Variants in CCDC186 observed in about 807,000 individuals in gnomAD.
CCDC186 encodes coiled-coil domain containing 186, also known as coiled-coil domain-containing protein 186.
CCDC186 carries 49 observed loss-of-function variants against 113.7 expected under a neutral mutation model. The ratio of observed to expected loss-of-function variants is 0.43; its 90% CI spans 0.34 to 0.55. CCDC186 has a LOEUF of 0.55. Among genes scored for constraint, CCDC186 ranks in the 20% least tolerant of loss-of-function variants. The pLI is 0.02. For missense variants in CCDC186, 890 were observed against 1,011.1 expected, an observed-to-expected ratio of 0.88 and a Z score of 1.62; for synonymous variants, 355 against 345.8, an observed-to-expected ratio of 1.03 and a Z score of -0.30.
chr10:114,159,281 G>C (rs569176630), intron 2 of CCDC186, among the ~76,000 whole-genome samples: 15 of 152,318 alleles, frequency 9.8e-5, no homozygotes, highest in African/African-American at 3.1e-4. Flanking sequence ...TAGTTCACAA[G>C]TGAACAACAA....
chr10:114,173,404 C>G (rs1179621851), intron 1 of CCDC186: 1 of 321,636 alleles, frequency 3.1e-6, no homozygotes, highest in Non-Finnish European at 6.3e-6. Context: ...TGCCATTTTT[C>G]ATTACTGATG....
chr10:114,138,656 T>A (rs965724961), intron 6 of CCDC186, among the ~76,000 whole-genome samples: 40 of 152,026 alleles, frequency 2.6e-4, no homozygotes, highest in Admixed American at 1.0e-3. Context: ...TCCAATTACT[T>A]CTTCTTCTTC....
chr10:114,168,468 G>A (rs1171650272), intron 1 of CCDC186, among the ~76,000 whole-genome samples: 3 of 152,054 alleles, frequency 2.0e-5, no homozygotes, highest in Non-Finnish European at 1.5e-5. Context: ...TGCAAATATT[G>A]CCCCTATATA....
rs1440877762 is a variant in CCDC186, at chr10:114,131,238, A to G, written c.2010T>C (p.Ser670=). Reference sequence around the variant, plus strand: ...CATCTTTTAATTCTTCTACCTGGGTACTCAATGCTTTAACTTCTGTTTGTC... The same window carrying G: ...CATCTTTTAATTCTTCTACCTGGGTGCTCAATGCTTTAACTTCTGTTTGTC... ...ACRQTEVKAL[S]TQVEELKDEL... The change falls in exon 12 of 16, where the codon AGT becomes AGC. Residue 670 remains serine (S), a synonymous_variant. Coordinates refer to ENST00000369287, the MANE Select transcript of CCDC186 (RefSeq NM_018017.4). 2 of 1,602,942 alleles carry G rather than the reference A, an allele frequency of 1.2e-6. No individual in the cohort carries two copies. The highest frequency in any genetic ancestry group is 4.5e-5 in the East Asian group (2 of 44,030).
intron 4 of CCDC186, 23 bp downstream of exon 4, chr10:114,151,069 A>G (rs1174352262): frequency 6.2e-7 from 1 of 1,604,544 alleles, no homozygotes; most frequent in Non-Finnish European, 8.5e-7. Flanking sequence ...TCAAGTTAAT[A>G]ATGACAACGA....
rs1431671444 is a variant in CCDC186, at chr10:114,136,053, A to G, written c.1426-76T>C. ...CTAAGATTTATTGCCTGTTCCTTCC[A>G]AAAGGCCTTAAAAGTAGATAGCAAT... On this transcript the variant is annotated intron_variant, in intron 8 of 15. Coordinates refer to ENST00000369287, the MANE Select transcript of CCDC186 (RefSeq NM_018017.4). 4 of 1,480,456 alleles carry G rather than the reference A, an allele frequency of 2.7e-6. No individual in the cohort carries two copies. The Admixed American group carries it at 6.9e-5, about 26-fold the overall frequency. 91.7% of individuals were successfully genotyped at this position (1,480,456 alleles called of 1,614,324 possible). A position where few individuals can be genotyped will look rare whatever the true frequency, so the allele number is the denominator to read the frequency against.
rs1357966501 is a variant in CCDC186 at position 114,151,355 on chromosome 10, T to C, written c.760-135A>G. 5.5e-6 allele frequency: 4 copies of C among 731,810 alleles called. No homozygotes were observed. The African/African-American group carries it at 7.3e-5, about 13-fold the overall frequency. The allele number at this position is 731,810 out of a possible 1,614,324, so 45.3% of individuals were successfully genotyped here. A position where few individuals can be genotyped will look rare whatever the true frequency, so the allele number is the denominator to read the frequency against. The stretch of plus-strand genomic sequence containing the variant: ...ACTTCAGCTATTGAAATAAAAACTT[T>C]TAGCAATGTTTCTATATCTCACTGT... On this transcript the variant is annotated intron_variant, in intron 3 of 15. Transcript: ENST00000369287.
chr10:114,149,842 C>A lies in CCDC186; in HGVS notation c.888+1250G>T, dbSNP rs146277336. Among the ~76,000 whole-genome samples the A allele has an allele frequency of 3.8e-3, 447 of 117,402 alleles. 17 individuals are homozygous for A. The highest frequency in any genetic ancestry group is 0.017 in the African/African-American group (427 of 25,808). The allele number at this position is 117,402 out of a possible 152,430, so 77.0% of individuals were successfully genotyped here. A position where few individuals can be genotyped will look rare whatever the true frequency, so the allele number is the denominator to read the frequency against. On this transcript the variant is annotated intron_variant, in intron 4 of 15. Coordinates refer to ENST00000369287, the MANE Select transcript of CCDC186 (RefSeq NM_018017.4). ...GCAGGAAGGCAGGAAGGCAGGAAGG[C>A]AGGCAGGCAGGCAGGAAGGCAGGCA...
At chr10:114,158,442 T>G (rs1589628288) in intron 2 of CCDC186, among the ~76,000 whole-genome samples, 1 of 152,164 alleles carries the variant, frequency 6.6e-6, no homozygotes, top group South Asian at 2.1e-4. Flanking sequence ...AACCTAACAT[T>G]TATTGCACAC....
intron 6 of CCDC186, 116 bp from the exon 7 acceptor site, chr10:114,137,406 A>G: frequency 1.6e-6 from 1 of 643,602 alleles, no homozygotes; most frequent in Non-Finnish European, 2.7e-6. Flanking sequence ...GCCGATTATT[A>G]TTCTAGCAAT....
rs1466013157 is a variant in CCDC186, at chr10:114,162,887, G to C, written c.382C>G (p.Pro128Ala). The C allele has an allele frequency of 6.2e-7, 1 of 1,613,888 alleles. No individual in the cohort carries two copies. Among genetic ancestry groups the C allele is most frequent in the Non-Finnish European group, 8.5e-7 (1 of 1,179,910 alleles). Reference protein sequence around the residue: ...ILVELRSSTFPESANEKTYSE... With the variant: ...ILVELRSSTFAESANEKTYSE... ...TAAGTCTTTTCATTAGCTGATTCTG[G>C]AAATGTAGATGACCTTAATTCCACC... Residue 128 changes from proline (P) to alanine (A), a missense_variant, in exon 2 of 16, where the codon CCA (proline) becomes GCA (alanine). Physicochemically the swap from Pro to Ala is conservative, Grantham distance 27. Coordinates refer to ENST00000369287, the MANE Select transcript of CCDC186 (RefSeq NM_018017.4).
At chr10:114,129,518 T>C (rs939629413) in intron 13 of CCDC186, among the ~76,000 whole-genome samples, 2 of 152,126 alleles carry the variant, frequency 1.3e-5, no homozygotes, top group East Asian at 3.9e-4. Flanking sequence ...ATCAATACTT[T>C]TTAAAATAAA....
In CCDC186 at chr10:114,126,124, G is replaced by C. The variant is rs2119673394; in HGVS notation, c.2394-19C>G. ...AATTATTCTGCAAAACAAAATGATA[G>C]TATCAGTTGTGTACTTGTAGAATTA... is the stretch of plus-strand genomic sequence containing the variant. On this transcript the variant is annotated intron_variant, in intron 14 of 15. Coordinates refer to ENST00000369287, the MANE Select transcript of CCDC186 (RefSeq NM_018017.4). The C allele has an allele frequency of 6.3e-7, 1 of 1,593,636 alleles. No homozygotes were observed. Among genetic ancestry groups the C allele is most frequent in the Non-Finnish European group, 8.6e-7 (1 of 1,162,540 alleles).
At chr10:114,138,536 C>T (rs1263384052) in intron 6 of CCDC186, among the ~76,000 whole-genome samples, 1 of 152,010 alleles carries the variant, frequency 6.6e-6, no homozygotes, top group African/African-American at 2.4e-5. Context: ...CCACCTGTCT[C>T]AGCCTCCCAA....
chr10:114,163,695 A>G (rs1052468132), intron 1 of CCDC186, among the ~76,000 whole-genome samples: 1 of 152,242 alleles, frequency 6.6e-6, no homozygotes, highest in Non-Finnish European at 1.5e-5. Flanking sequence ...CTGTAAAGAA[A>G]AAAAGACTAC....
intron 6 of CCDC186, among the ~76,000 whole-genome samples, chr10:114,139,322 G>A (rs1369644735): frequency 6.6e-6 from 1 of 151,730 alleles, no homozygotes; most frequent in Non-Finnish European, 1.5e-5. Flanking sequence ...CAGCATTTTG[G>A]GAGGCCGAGG....
At chr10:114,159,558 G>T (rs796740311) in intron 2 of CCDC186, among the ~76,000 whole-genome samples, 4 of 146,664 alleles carry the variant, frequency 2.7e-5, no homozygotes, top group African/African-American at 7.6e-5. Flanking sequence ...CAGGAAAATC[G>T]CTTGAACCTG....
intron 4 of CCDC186, among the ~76,000 whole-genome samples, chr10:114,150,563 ATATG>A (rs1010635092): frequency 1.3e-5 from 2 of 152,294 alleles, no homozygotes; most frequent in Admixed American, 6.5e-5. Flanking sequence ...CAGGGGAAGA[ATATG>A]TACAGATTAA....
chr10:114,155,000 AATT>A (rs1349559116), intron 3 of CCDC186, among the ~76,000 whole-genome samples: 5 of 152,252 alleles, frequency 3.3e-5, no homozygotes, highest in African/African-American at 1.2e-4. Flanking sequence ...CCTATTATAT[AATT>A]CCATTTATAT....
Sources: allele counts gnomAD v4.1 joint callset (sites outside exome capture counted in the v4.1 genomes callset), GRCh38; gene constraint gnomAD v4.1.1; transcripts MANE v1.5; gene names NCBI Gene and HGNC (gene_info 2026-07-23, HGNC 2026-07-21).